Variants in CHRM3 observed in about 807,000 individuals in gnomAD.
CHRM3 encodes the protein muscarinic acetylcholine receptor M3.
A neutral mutation model predicts 41.8 loss-of-function variants in CHRM3; 11 were observed. The observed-to-expected ratio is 0.26, with a 90% CI of 0.17 to 0.44. The LOEUF (loss-of-function observed/expected upper bound fraction) is 0.44, where lower values mean the gene tolerates loss of function less well. CHRM3 is among the 20% of genes least tolerant of loss of function. The pLI, the probability that CHRM3 is intolerant of heterozygous loss-of-function variation, is 1.00. For missense variants in CHRM3, 571 were observed against 745.4 expected, an observed-to-expected ratio of 0.77 and a Z score of 2.72; for synonymous variants, 297 against 301.4, an observed-to-expected ratio of 0.99 and a Z score of 0.15.
At chr1:239,808,517 G>A (rs1017780874) in intron 5 of CHRM3, among the ~76,000 whole-genome samples, 2 of 152,150 alleles carry the variant, frequency 1.3e-5, no homozygotes, top group East Asian at 1.9e-4. Context: ...TTTCCCAGCT[G>A]TAGTACGAGA....
intron 5 of CHRM3, among the ~76,000 whole-genome samples, chr1:239,723,486 A>G (rs1043492277): frequency 5.9e-5 from 9 of 151,924 alleles, no homozygotes; most frequent in Non-Finnish European, 1.3e-4. Flanking sequence ...TAATGGGTCA[A>G]TAAGGGTTGC....
chr1:239,683,033 G>A (rs1311570065), intron 5 of CHRM3, among the ~76,000 whole-genome samples: 3 of 152,056 alleles, frequency 2.0e-5, no homozygotes, highest in African/African-American at 4.8e-5. Context: ...AGACAATACA[G>A]TATTGTTAAC....
chr1:239,716,425 G>A (rs919576540), intron 5 of CHRM3, among the ~76,000 whole-genome samples: 1 of 152,000 alleles, frequency 6.6e-6, no homozygotes, highest in Non-Finnish European at 1.5e-5. Context: ...ATAATAGGGA[G>A]CTATAAAGCA....
chr1:239,479,400 C>G (rs183254181), intron 1 of CHRM3, among the ~76,000 whole-genome samples: 2 of 151,984 alleles, frequency 1.3e-5, no homozygotes, highest in Non-Finnish European at 2.9e-5. Context: ...CATTAGTAGG[C>G]GAACAAAGAT....
At chr1:239,809,435 C>G (rs1347709724) in intron 5 of CHRM3, among the ~76,000 whole-genome samples, 1 of 152,092 alleles carries the variant, frequency 6.6e-6, no homozygotes, top group African/African-American at 2.4e-5. Flanking sequence ...TTTCCATCTT[C>G]CCTCACTGTG....
intron 5 of CHRM3, among the ~76,000 whole-genome samples, chr1:239,804,200 A>G (rs1159069983): frequency 6.6e-6 from 1 of 152,218 alleles, no homozygotes; most frequent in Non-Finnish European, 1.5e-5. Context: ...TTCCAAGAGC[A>G]AAAGCACTGG....
chr1:239,618,422 A>T (rs1490861535), intron 3 of CHRM3, among the ~76,000 whole-genome samples: 1 of 150,772 alleles, frequency 6.6e-6, no homozygotes, highest in African/African-American at 2.4e-5. Flanking sequence ...CTCAGGCCTC[A>T]TCTGCTAGGA....
At chr1:239,721,808 G>T (rs896558967) in intron 5 of CHRM3, among the ~76,000 whole-genome samples, 5 of 151,852 alleles carry the variant, frequency 3.3e-5, no homozygotes, top group African/African-American at 4.8e-5. Context: ...AGGCACTCAT[G>T]AAACAATTGG....
In CHRM3 at chr1:239,857,140, A is replaced by AT. The variant is rs143991856; in HGVS notation, c.-20+29763dup. Among the ~76,000 whole-genome samples, 912 of 152,298 alleles carry AT rather than the reference A, an allele frequency of 6.0e-3. 16 individuals carry two copies. Among genetic ancestry groups the AT allele is most frequent in the African/African-American group, 0.021 (870 of 41,576 alleles). On this transcript the variant is annotated intron_variant, in intron 6 of 6. Coordinates refer to ENST00000676153, the MANE Select transcript of CHRM3 (RefSeq NM_001375978.1). ...GCTGTTTGATGGCCTTGAAACTGAG[A>AT]TAAAAACCAGGAGGGTAGAAATGAG...
intron 5 of CHRM3, among the ~76,000 whole-genome samples, chr1:239,803,797 G>A (rs1238235963): frequency 6.6e-6 from 1 of 152,188 alleles, no homozygotes; most frequent in African/African-American, 2.4e-5. Flanking sequence ...TTGCCAAGCA[G>A]AGCGGGGTTC....
At chr1:239,527,358 T>C (rs1269233612) in intron 2 of CHRM3, among the ~76,000 whole-genome samples, 2 of 125,006 alleles carry the variant, frequency 1.6e-5, no homozygotes, top group Non-Finnish European at 3.8e-5. Context: ...TTATGAAAAC[T>C]AGATTTCTTA....
At chr1:239,680,423 C>T (rs1044196730) in intron 5 of CHRM3, among the ~76,000 whole-genome samples, 2 of 151,982 alleles carry the variant, frequency 1.3e-5, no homozygotes, top group Non-Finnish European at 2.9e-5. Flanking sequence ...CTTCTCCTCC[C>T]AGAAGTGACC....
intron 1 of CHRM3, among the ~76,000 whole-genome samples, chr1:239,483,591 C>CT (rs779320950): frequency 2.0e-5 from 3 of 152,208 alleles, no homozygotes; most frequent in East Asian, 3.9e-4. Flanking sequence ...TGCTTGACAT[C>CT]TTTTTTTCTT....
chr1:239,392,575 G>C (rs1316729731), intron 1 of CHRM3, among the ~76,000 whole-genome samples: 1 of 152,152 alleles, frequency 6.6e-6, no homozygotes, highest in Non-Finnish European at 1.5e-5. Context: ...ATTCAGGTGA[G>C]TTTAAACCAA....
intron 6 of CHRM3, among the ~76,000 whole-genome samples, chr1:239,903,041 T>A (rs1558226331): frequency 6.6e-6 from 1 of 152,114 alleles, no homozygotes; most frequent in Non-Finnish European, 1.5e-5. Context: ...AGAGTACAGG[T>A]CAAAGATAAA....
At chr1:239,759,924 AT>A (rs1197159879) in intron 5 of CHRM3, among the ~76,000 whole-genome samples, 1 of 151,314 alleles carries the variant, frequency 6.6e-6, no homozygotes. Flanking sequence ...TTATTTATTT[AT>A]TTTTTTTGAG....
rs567471397 is a variant in CHRM3 at position 239,811,200 on chromosome 1, A to G, written c.-146-16052A>G. 1.2e-4 allele frequency among the ~76,000 whole-genome samples: 19 copies of G among 152,314 alleles called. No individual in the cohort carries two copies. The South Asian group carries it at 3.5e-3, about 28-fold the overall frequency. On this transcript the variant is annotated intron_variant, in intron 5 of 6. Transcript: ENST00000676153. ...CTGTGACTGGAGAGCAGACCCACAC[A>G]ATGAGGTTCATGCGTTTTGTGTTTC...
intron 6 of CHRM3, among the ~76,000 whole-genome samples, chr1:239,865,203 G>GA (rs1675988051): frequency 6.6e-6 from 1 of 152,264 alleles, no homozygotes; most frequent in Non-Finnish European, 1.5e-5. Context: ...TGTTATGGGA[G>GA]AAAAGCAAGA....
intron 5 of CHRM3, among the ~76,000 whole-genome samples, chr1:239,789,832 C>T (rs72758765): frequency 8.0e-4 from 122 of 152,324 alleles, no homozygotes; most frequent in Non-Finnish European, 1.6e-3. Context: ...CAACCGCTTT[C>T]CCAGCCACAC....
Sources: gnomAD v4.1 joint callset for allele counts (sites outside exome capture counted in the v4.1 genomes callset) on GRCh38, gnomAD v4.1.1 for gene constraint, MANE v1.5 for transcripts, NCBI Gene and HGNC (gene_info 2026-07-23, HGNC 2026-07-21) for gene names.